The following TREML4 variants were observed in gnomAD, a reference collection of about 807,000 sequenced individuals.
The protein encoded by TREML4 is trem-like transcript 4 protein.
A neutral mutation model predicts 25.4 loss-of-function variants in TREML4; 25 were observed. That is an observed-to-expected ratio of 0.98 (90% CI 0.72 to 1.37). The LOEUF is 1.37. Ranked by LOEUF, TREML4 falls within the 40% of genes most tolerant of loss-of-function variation. The probability of loss-of-function intolerance (pLI) is 0.00; values close to 1 mark genes in which losing one functional copy is unlikely to be tolerated. For missense variants in TREML4, 268 were observed against 236.5 expected, an observed-to-expected ratio of 1.13 and a Z score of -0.87; for synonymous variants, 92 against 87.9, an observed-to-expected ratio of 1.05 and a Z score of -0.26.
chr6:41,230,172 C>A, intron 4 of TREML4, 50 bp downstream of exon 4: 1 of 1,447,366 alleles, frequency 6.9e-7, no homozygotes, highest in Non-Finnish European at 9.7e-7. Context: ...AAGGGAGGGC[C>A]TGATTAGCTC....
chr6:41,229,769 C>A, intron 3 of TREML4, 198 bp downstream of exon 3: 1 of 659,604 alleles, frequency 1.5e-6, no homozygotes. Flanking sequence ...ATCAGAAGAT[C>A]GCCATGTTCT....
chr6:41,228,769 G>A lies in TREML4; in HGVS notation c.119G>A (p.Cys40Tyr). 1 of 1,614,108 alleles carries A rather than the reference G, an allele frequency of 6.2e-7. No homozygotes were observed. The highest frequency in any genetic ancestry group is 8.5e-7 in the Non-Finnish European group (1 of 1,180,030). ...CCAGGACAGACCCTCCTCCTGCAAT[G>A]CCAGTACTCACCCAAGAGAGGGCCC... ...KHPGQTLLLQCQYSPKRGPYQ... is the reference protein window; with the variant it reads ...KHPGQTLLLQYQYSPKRGPYQ... The change falls in exon 2 of 6, where the codon TGC becomes TAC. Residue 40 changes from cysteine to tyrosine, a missense_variant. Transcript: ENST00000341495.
In TREML4 at chr6:41,229,042, C is replaced by T; in HGVS notation, c.392C>T (p.Pro131Leu). Reference sequence around the variant, plus strand: ...AGAAATATCAGCCTGGTGGTGTCTCCAGGTGAGCTCTTTTCTTGAGGAAAT... The same window carrying T: ...AGAAATATCAGCCTGGTGGTGTCTCTAGGTGAGCTCTTTTCTTGAGGAAAT... ...VLRNISLVVS[P>L]APTTSPMWTL... Residue 131 changes from proline (P) to leucine (L), a missense_variant and splice_region_variant, in exon 2 of 6, where the codon CCA (proline) becomes CTA (leucine). Pro to Leu is a moderately conservative substitution (Grantham distance 98, BLOSUM62 -3). Transcript: ENST00000341495. 1 of 1,609,582 alleles carries T rather than the reference C, an allele frequency of 6.2e-7. No individual in the cohort carries two copies. Among genetic ancestry groups the T allele is most frequent in the East Asian group, 2.2e-5 (1 of 44,842 alleles).
intron 4 of TREML4, among the ~76,000 whole-genome samples, chr6:41,235,416 A>T (rs955718661): frequency 6.6e-6 from 1 of 152,210 alleles, no homozygotes; most frequent in African/African-American, 2.4e-5. Flanking sequence ...TGATGGGATC[A>T]TCTACCCAGA....
Position 41,236,508 on chromosome 6 carries a change from C to G in TREML4, c.529C>G (p.Leu177Val), listed in dbSNP as rs1232240363. The change falls in exon 5 of 6, where the codon CTT becomes GTT. Residue 177 changes from leucine to valine, a missense_variant. By Grantham distance (32) the Leu-to-Val change is conservative. Transcript: ENST00000341495. Reference protein sequence around the residue: ...ETRKSRAPACLGSGGPRFLVL... With the variant: ...ETRKSRAPACVGSGGPRFLVL... ...CAGGAAATCAAGAGCCCCTGCCTGC[C>G]TTGGCTCAGGTGGCCCCAGATTCCT... 2 of 1,614,138 alleles carry G rather than the reference C, an allele frequency of 1.2e-6. No homozygotes were observed. Among genetic ancestry groups the G allele is most frequent in the Non-Finnish European group, 1.7e-6 (2 of 1,180,004 alleles).
rs200784498 is a variant in TREML4, at chr6:41,232,681, G to A, written c.506+2559G>A. Among the ~76,000 whole-genome samples the A allele has an allele frequency of 3.3e-5, 5 of 152,154 alleles. No homozygotes were observed. The East Asian group carries it at 7.7e-4, about 23-fold the overall frequency. On this transcript the variant is annotated intron_variant, in intron 4 of 5. Coordinates refer to ENST00000341495, the MANE Select transcript of TREML4 (RefSeq NM_198153.3). ...TGCAACTAGACAGTCTTATCTGGGG[G>A]TGATGGGAGACAGTGGCAGATGATC...
chr6:41,230,680 C>T (rs533327282), intron 4 of TREML4, among the ~76,000 whole-genome samples: 4 of 152,160 alleles, frequency 2.6e-5, no homozygotes, highest in African/African-American at 4.8e-5. Flanking sequence ...GCATTTGCTC[C>T]GTAGCCCTCT....
chr6:41,235,341 A>G (rs1766873977), intron 4 of TREML4, among the ~76,000 whole-genome samples: 1 of 152,170 alleles, frequency 6.6e-6, no homozygotes, highest in Non-Finnish European at 1.5e-5. Flanking sequence ...TGCTTGAAGG[A>G]AAGGAAAACA....
At chr6:41,232,069 GAA>G (rs1766810417) in intron 4 of TREML4, among the ~76,000 whole-genome samples, 1 of 152,136 alleles carries the variant, frequency 6.6e-6, no homozygotes, top group African/African-American at 2.4e-5. Context: ...GACTTCTTAA[GAA>G]GAACACTAGA....
Position 41,238,811 on chromosome 6 carries a change from G to A in TREML4, c.*1792G>A, listed in dbSNP as rs1488075362. 6.6e-6 allele frequency: 1 copy of A among 152,088 alleles called. No homozygotes were observed. Among genetic ancestry groups the A allele is most frequent in the African/African-American group, 2.4e-5 (1 of 41,398 alleles). 9.4% of individuals were successfully genotyped at this position (152,088 alleles called of 1,614,324 possible). ...AACGTAGCTGAGTGATGCTACATGGGGCTAGATATATGATTATCTCTACTT... is the reference window on the plus strand; with the variant it reads ...AACGTAGCTGAGTGATGCTACATGGAGCTAGATATATGATTATCTCTACTT... On this transcript the variant is annotated 3_prime_UTR_variant, in exon 6 of 6. Coordinates refer to ENST00000341495, the MANE Select transcript of TREML4 (RefSeq NM_198153.3).
intron 4 of TREML4, chr6:41,231,117 C>A (rs1018675329): frequency 4.5e-6 from 2 of 443,914 alleles, no homozygotes; most frequent in African/African-American, 2.0e-5. Context: ...TCAGGGCTCC[C>A]ACAGATTCTA....
chr6:41,229,466 C>A (rs1404098608), intron 2 of TREML4, 55 bp from the exon 3 acceptor site: 8 of 1,591,178 alleles, frequency 5.0e-6, no homozygotes, highest in Non-Finnish European at 6.0e-6. Context: ...ATGGGGTAGA[C>A]CCTACTCTCT....
chr6:41,236,177 C>T (rs1036273532), intron 4 of TREML4, among the ~76,000 whole-genome samples: 3 of 152,134 alleles, frequency 2.0e-5, no homozygotes, highest in African/African-American at 7.2e-5. Context: ...TGGTCCCATC[C>T]GACCTGACCT....
rs750785182 is a variant in TREML4, at chr6:41,228,961, C to T, written c.311C>T (p.Ser104Leu). Residue 104 changes from serine (S) to leucine (L), a missense_variant, in exon 2 of 6, where the codon TCG becomes TTG. Ser to Leu is a moderately radical substitution (Grantham distance 145). Coordinates refer to ENST00000341495, the MANE Select transcript of TREML4 (RefSeq NM_198153.3). Reference sequence around the variant, plus strand: ...ATGATTCAGCTGACACAGAATGACTCGGGATTCTACTGGTGTGGAATCTAC... The same window carrying T: ...ATGATTCAGCTGACACAGAATGACTTGGGATTCTACTGGTGTGGAATCTAC... ...ITMIQLTQND[S>L]GFYWCGIYNA... 2.7e-5 allele frequency: 43 copies of T among 1,613,902 alleles called. No individual in the cohort carries two copies. The highest frequency in any genetic ancestry group is 1.2e-4 in the African/African-American group (9 of 74,914).
chr6:41,229,457 T>A (rs2113936830), intron 2 of TREML4, 64 bp from the exon 3 acceptor site: 6 of 1,570,464 alleles, frequency 3.8e-6, no homozygotes, highest in Non-Finnish European at 5.3e-6. Flanking sequence ...CTCTTATGTA[T>A]GGGGTAGACC....
At chr6:41,234,994 C>T (rs1218111290) in intron 4 of TREML4, among the ~76,000 whole-genome samples, 1 of 151,926 alleles carries the variant, frequency 6.6e-6, no homozygotes, top group African/African-American at 2.4e-5. Context: ...TAACTGAATT[C>T]AAGAGTGCAT....
intron 4 of TREML4, among the ~76,000 whole-genome samples, chr6:41,235,471 T>C (rs1291176930): frequency 1.3e-5 from 2 of 152,314 alleles, no homozygotes; most frequent in Non-Finnish European, 2.9e-5. Flanking sequence ...CAAGAGAGTT[T>C]AGCAAGGCTG....
chr6:41,233,157 A>G (rs763959613), intron 4 of TREML4, among the ~76,000 whole-genome samples: 2 of 152,244 alleles, frequency 1.3e-5, no homozygotes, highest in African/African-American at 4.8e-5. Context: ...ATCCAGCAAA[A>G]TAAAACTCTA....
chr6:41,228,606 G>A, intron 1 of TREML4, 108 bp from the exon 2 acceptor site: 1 of 1,489,088 alleles, frequency 6.7e-7, no homozygotes, highest in Non-Finnish European at 9.1e-7. Flanking sequence ...TCTTCCATGT[G>A]TGGGCATCAG....
Sources: allele counts gnomAD v4.1 joint callset (sites outside exome capture counted in the v4.1 genomes callset), GRCh38; gene constraint gnomAD v4.1.1; transcripts MANE v1.5; gene names NCBI Gene and HGNC (gene_info 2026-07-23, HGNC 2026-07-21).